NFAT5: variants seen among roughly 807,000 people sequenced by gnomAD.
NFAT5 encodes the protein nuclear factor of activated T cells 5, also known as nuclear factor of activated T-cells 5.
In NFAT5, 31 loss-of-function variants were observed where a neutral mutation model predicts 166.5. The ratio of observed to expected loss-of-function variants is 0.19; its 90% confidence interval spans 0.14 to 0.25. The LOEUF (loss-of-function observed/expected upper bound fraction) is 0.25. Ranked by LOEUF, NFAT5 falls within the 10% of genes least tolerant of loss-of-function variation. NFAT5 has a pLI of 1.00. For synonymous variants in NFAT5, 612 were observed against 639.7 expected (o/e 0.96, Z 0.65); for missense variants, 1,449 against 1,821.8 (o/e 0.80, Z 3.72).
chr16:69,684,276 A>T lies in NFAT5; in HGVS notation c.1691-611A>T, dbSNP rs991677563. On this transcript the variant is annotated intron_variant, in intron 10 of 14. Transcript: ENST00000349945. ...GCCTCAAAAAAAAAAAAAAAAAAAA[A>T]TTGGCTGGGCACGGTGGCTCACACC... Among the ~76,000 whole-genome samples, 286 of 110,362 alleles carry T rather than the reference A, an allele frequency of 2.6e-3. 1 individual carries two copies. Among genetic ancestry groups the T allele is most frequent in the African/African-American group, 0.01 (272 of 26,380 alleles). The allele number at this position is 110,362 out of a possible 152,430, so 72.4% of individuals were successfully genotyped here.
chr16:69,606,985 A>G (rs2033446040), intron 2 of NFAT5, among the ~76,000 whole-genome samples: 1 of 152,064 alleles, frequency 6.6e-6, no homozygotes, highest in Non-Finnish European at 1.5e-5. Context: ...TCTCAGTAAC[A>G]CCTCCTCATT....
chr16:69,590,667 A>G (rs1032688050), intron 2 of NFAT5, among the ~76,000 whole-genome samples: 1 of 152,164 alleles, frequency 6.6e-6, no homozygotes. Context: ...CCCCTCCCTC[A>G]GCCTAACAGT....
At position 69,566,797 on chromosome 16, in the gene NFAT5, A is replaced by G. The variant is rs2016078166; in HGVS notation, c.73+423A>G. 6.6e-6 allele frequency among the ~76,000 whole-genome samples: 1 copy of G among 152,072 alleles called. No homozygotes were observed. Among genetic ancestry groups the G allele is most frequent in the Non-Finnish European group, 1.5e-5 (1 of 67,978 alleles). On this transcript the variant is annotated intron_variant, in intron 1 of 14. Coordinates refer to ENST00000349945, the MANE Select transcript of NFAT5 (RefSeq NM_138713.4). This position sits in a 1 kb window ranked among gnomAD's most constrained non-coding sequence, Gnocchi z 5.7. ...TCTTACCGGGACCCTCCTCCCCAGC[A>G]AAGTTGCCCCCAAGCGGGCGGCGTG...
At chr16:69,634,541 G>T (rs2034870519) in intron 3 of NFAT5, among the ~76,000 whole-genome samples, 1 of 152,114 alleles carries the variant, frequency 6.6e-6, no homozygotes, top group African/African-American at 2.4e-5. Context: ...TATCAAGTAT[G>T]TGTGTACTGG....
At chr16:69,683,205 C>T (rs578007725) in intron 10 of NFAT5, among the ~76,000 whole-genome samples, 4 of 152,124 alleles carry the variant, frequency 2.6e-5, no homozygotes, top group Non-Finnish European at 5.9e-5. Flanking sequence ...GAGCGAAACT[C>T]CGTCTCAAAA....
chr16:69,626,330 A>G (rs952784760), intron 2 of NFAT5, 73 bp from the exon 3 acceptor site: 24 of 1,357,874 alleles, frequency 1.8e-5, no homozygotes, highest in African/African-American at 3.0e-5. Context: ...AGACATACTC[A>G]TTTTGTGCAT....
At position 69,692,591 on chromosome 16, in the gene NFAT5, C is replaced by A. The variant is rs2037591707; in HGVS notation, c.2766C>A (p.Ile922=). Residue 922 remains isoleucine (I), a synonymous_variant, in exon 13 of 15, where the codon ATC becomes ATA. Coordinates refer to ENST00000349945, the MANE Select transcript of NFAT5 (RefSeq NM_138713.4). ...TGGTGATGGAGATGCAACAGAGTAT[C>A]TGCCAGGCAGCTGCCCAGATTCAGT... ...AAMVMEMQQS[I]CQAAAQIQSE... is the part of the protein sequence containing the mutation. 6.2e-7 allele frequency: 1 copy of A among 1,614,240 alleles called. No homozygotes were observed. Among genetic ancestry groups the A allele is most frequent in the Non-Finnish European group, 8.5e-7 (1 of 1,180,052 alleles).
intron 2 of NFAT5, among the ~76,000 whole-genome samples, chr16:69,612,945 A>G (rs2033772125): frequency 1.3e-5 from 2 of 152,206 alleles, no homozygotes; most frequent in South Asian, 4.1e-4. Context: ...GTTTAGTAAC[A>G]TCAATTGCTA....
intron 2 of NFAT5, among the ~76,000 whole-genome samples, chr16:69,580,681 T>A (rs2031617211): frequency 6.6e-6 from 1 of 152,138 alleles, no homozygotes; most frequent in South Asian, 2.1e-4. Context: ...TTTGAGATGG[T>A]GTCTCGCTCT....
chr16:69,678,478 G>T (rs1422272390), intron 10 of NFAT5, among the ~76,000 whole-genome samples: 1 of 152,092 alleles, frequency 6.6e-6, no homozygotes, highest in Non-Finnish European at 1.5e-5. Flanking sequence ...CTCCCAAAGT[G>T]CTGGGATTAC....
Position 69,566,212 on chromosome 16 carries a change from T to C in NFAT5, c.-90T>C, listed in dbSNP as rs2016021319. 3 of 1,242,624 alleles carry C rather than the reference T, an allele frequency of 2.4e-6. No individual in the cohort carries two copies. Among genetic ancestry groups the C allele is most frequent in the Non-Finnish European group, 3.4e-6 (3 of 881,036 alleles). 77.0% of individuals were successfully genotyped at this position (1,242,624 alleles called of 1,614,324 possible). A position where few individuals can be genotyped will look rare whatever the true frequency, so the allele number is the denominator to read the frequency against. On this transcript the variant is annotated 5_prime_UTR_variant, in exon 1 of 15. Coordinates refer to ENST00000349945, the MANE Select transcript of NFAT5 (RefSeq NM_138713.4). This position sits in a 1 kb window ranked among gnomAD's most constrained non-coding sequence, Gnocchi z 5.7. ...GCCGCCCTCGCGTCGCCGCCCCCGGTTCGGTGCCCGCGGTCCCGGAGAGGA... is the reference window on the plus strand; with the variant it reads ...GCCGCCCTCGCGTCGCCGCCCCCGGCTCGGTGCCCGCGGTCCCGGAGAGGA...
At chr16:69,623,331 A>T (rs2034287226) in intron 2 of NFAT5, among the ~76,000 whole-genome samples, 1 of 145,052 alleles carries the variant, frequency 6.9e-6, no homozygotes, top group South Asian at 2.2e-4. Flanking sequence ...AATTTGCTAA[A>T]GGCTTTTTTT....
rs201618723 is a variant in NFAT5, at chr16:69,692,717, G to A, written c.2892G>A (p.Glu964=). 5.8e-5 allele frequency: 94 copies of A among 1,614,206 alleles called. No homozygotes were observed. Among genetic ancestry groups the A allele is most frequent in the Non-Finnish European group, 7.5e-5 (88 of 1,180,036 alleles). ...TGATGAGTGCATTGTCTACCAATGA[G>A]GATATGCAAATGCAGTGTGAATTGT... The part of the protein sequence containing the change: ...SHMMSALSTN[E]DMQMQCELFS... Residue 964 remains glutamate (E), a synonymous_variant, in exon 13 of 15, where the codon GAG becomes GAA. Coordinates refer to ENST00000349945, the MANE Select transcript of NFAT5 (RefSeq NM_138713.4).
chr16:69,662,085 A>G (rs1268760556), intron 7 of NFAT5, among the ~76,000 whole-genome samples: 1 of 152,180 alleles, frequency 6.6e-6, no homozygotes, highest in Non-Finnish European at 1.5e-5. Flanking sequence ...TAAAAATTAT[A>G]TAAGCTTCCA....
chr16:69,569,108 ATTAGT>A (rs1333984847), intron 2 of NFAT5, among the ~76,000 whole-genome samples: 6 of 152,306 alleles, frequency 3.9e-5, no homozygotes, highest in African/African-American at 9.6e-5. Flanking sequence ...GAGTCTGTAG[ATTAGT>A]TTAAACAGCT....
At chr16:69,568,209 A>T (rs2016191918) in intron 1 of NFAT5, among the ~76,000 whole-genome samples, 1 of 151,992 alleles carries the variant, frequency 6.6e-6, no homozygotes, top group African/African-American at 2.4e-5. Flanking sequence ...AATCCCAGCT[A>T]CTCGGGAGGC....
intron 3 of NFAT5, among the ~76,000 whole-genome samples, chr16:69,627,323 C>CATATATATAT (rs10524659): frequency 2.3e-5 from 3 of 128,878 alleles, no homozygotes; most frequent in Non-Finnish European, 4.9e-5. Flanking sequence ...AAAAAGGAAA[C>CATATATATAT]ATATATATAT....
chr16:69,621,918 G>C (rs1034358601), intron 2 of NFAT5, among the ~76,000 whole-genome samples: 1 of 152,076 alleles, frequency 6.6e-6, no homozygotes, highest in Admixed American at 6.5e-5. Flanking sequence ...AACTTTGATT[G>C]TGTCTGTATA....
chr16:69,653,961 G>A (rs2035780858), intron 5 of NFAT5, among the ~76,000 whole-genome samples: 1 of 152,000 alleles, frequency 6.6e-6, no homozygotes, highest in Non-Finnish European at 1.5e-5. Flanking sequence ...TAAGGCTTAC[G>A]GTTTAAGAAA....
Sources: allele counts gnomAD v4.1 joint callset (sites outside exome capture counted in the v4.1 genomes callset), GRCh38; gene constraint gnomAD v4.1.1; non-coding constraint Gnocchi (gnomAD v3.1); transcripts MANE v1.5; gene names NCBI Gene and HGNC (gene_info 2026-07-23, HGNC 2026-07-21).